Variants in FHIT observed in about 807,000 individuals in gnomAD.
The protein encoded by FHIT is bis(5'-adenosyl)-triphosphatase.
Under a neutral mutation model 17.9 loss-of-function variants are expected in FHIT, and 19 were observed. The observed-to-expected ratio is 1.06, with a 90% CI of 0.74 to 1.56. The LOEUF is 1.56. Ranked by LOEUF, FHIT falls within the 40% of genes most tolerant of loss-of-function variation. The pLI is 0.00. For missense variants in FHIT, 248 were observed against 189.2 expected, an observed-to-expected ratio of 1.31 and a Z score of -1.82; for synonymous variants, 81 against 69.7, an observed-to-expected ratio of 1.16 and a Z score of -0.81.
intron 5 of FHIT, among the ~76,000 whole-genome samples, chr3:60,228,497 A>C (rs750082621): frequency 7.9e-5 from 12 of 152,194 alleles, no homozygotes; most frequent in Non-Finnish European, 1.5e-4. Flanking sequence ...TACTAAAAAG[A>C]TAAAATTTAA....
intron 4 of FHIT, among the ~76,000 whole-genome samples, chr3:60,597,233 C>G (rs2038299529): frequency 6.6e-6 from 1 of 151,902 alleles, no homozygotes; most frequent in African/African-American, 2.4e-5. Flanking sequence ...TTTTCAAAAC[C>G]CTGCCTCCCT....
At chr3:60,274,981 ATC>A (rs1707053331) in intron 5 of FHIT, among the ~76,000 whole-genome samples, 1 of 152,278 alleles carries the variant, frequency 6.6e-6, no homozygotes, top group African/African-American at 2.4e-5. Flanking sequence ...CCCCACATTT[ATC>A]TGTTTTTTAA....
At chr3:61,089,204 C>A (rs1400348990) in intron 2 of FHIT, among the ~76,000 whole-genome samples, 1 of 152,134 alleles carries the variant, frequency 6.6e-6, no homozygotes, top group Non-Finnish European at 1.5e-5. Context: ...CCATTCCCAG[C>A]TCAATATATA....
intron 4 of FHIT, among the ~76,000 whole-genome samples, chr3:60,756,414 G>GA (rs2042572788): frequency 6.6e-6 from 1 of 152,138 alleles, no homozygotes; most frequent in African/African-American, 2.4e-5. Context: ...GATGCCAAAC[G>GA]AAAAGCCTGA....
chr3:60,569,755 A>ATATATATTTTT lies in FHIT; in HGVS notation c.-17-32777_-17-32776insAAAAATATATA. Among the ~76,000 whole-genome samples, 356 of 77,308 alleles carry ATATATATTTTT rather than the reference A, an allele frequency of 4.6e-3. 4 individuals are homozygous for ATATATATTTTT. Among genetic ancestry groups the ATATATATTTTT allele is most frequent in the South Asian group, 7.5e-3 (13 of 1,742 alleles). The allele number at this position is 77,308 out of a possible 152,430, so 50.7% of individuals were successfully genotyped here. A position where few individuals can be genotyped will look rare whatever the true frequency, so the allele number is the denominator to read the frequency against. On this transcript the variant is annotated intron_variant, in intron 4 of 9. Transcript: ENST00000492590. ...TATATATATATATATATATATATAT[A>ATATATATTTTT]TTTTTTTTTTTTTTAGACAGAGTTT...
intron 5 of FHIT, among the ~76,000 whole-genome samples, chr3:60,495,827 T>C (rs2034279214): frequency 6.6e-6 from 1 of 152,090 alleles, no homozygotes; most frequent in African/African-American, 2.4e-5. Context: ...TCTTTAATCA[T>C]AGTAATCAAA....
chr3:60,779,744 C>G (rs534991109), intron 4 of FHIT, among the ~76,000 whole-genome samples: 1 of 151,972 alleles, frequency 6.6e-6, no homozygotes, highest in Non-Finnish European at 1.5e-5. Context: ...GAAGGAAAAT[C>G]GGATCTTAGG....
chr3:60,121,103 A>C (rs930773864), intron 5 of FHIT, among the ~76,000 whole-genome samples: 2 of 152,152 alleles, frequency 1.3e-5, no homozygotes, highest in Non-Finnish European at 2.9e-5. Flanking sequence ...ATCATTGATC[A>C]TGTCTTCATT....
chr3:60,484,654 T>C lies in FHIT; in HGVS notation c.103+52206A>G, dbSNP rs527894505. Among the ~76,000 whole-genome samples the C allele has an allele frequency of 3.3e-5, 5 of 152,308 alleles. No individual in the cohort carries two copies. In the East Asian group the frequency reaches 7.7e-4, roughly 23 times the overall value. On this transcript the variant is annotated intron_variant, in intron 5 of 9. Coordinates refer to ENST00000492590, the MANE Select transcript of FHIT (RefSeq NM_002012.4). Reference sequence around the variant, plus strand: ...GAAACTGGACCCCTTCCTTACACCTTATACAAAAATTAACTCAAGATGGAT... The same window carrying C: ...GAAACTGGACCCCTTCCTTACACCTCATACAAAAATTAACTCAAGATGGAT...
intron 3 of FHIT, among the ~76,000 whole-genome samples, chr3:60,829,545 T>C (rs2106808219): frequency 6.6e-6 from 1 of 152,294 alleles, no homozygotes; most frequent in South Asian, 2.1e-4. Flanking sequence ...ATTTGGAAAG[T>C]TATTAGAAGA....
intron 3 of FHIT, among the ~76,000 whole-genome samples, chr3:61,025,527 C>G (rs376234017): frequency 1.3e-5 from 2 of 152,102 alleles, no homozygotes; most frequent in Admixed American, 1.3e-4. Context: ...TCTTCCTTAT[C>G]AACAAGGCAC....
chr3:60,333,658 C>T (rs542268966), intron 5 of FHIT, among the ~76,000 whole-genome samples: 4 of 152,098 alleles, frequency 2.6e-5, no homozygotes, highest in African/African-American at 9.7e-5. Flanking sequence ...TGTATTCCTA[C>T]ATATTGAAAC....
At position 60,775,785 on chromosome 3, in the gene FHIT, C is replaced by T. The variant is rs1394198527; in HGVS notation, c.-18+46134G>A. Among the ~76,000 whole-genome samples, 6 of 152,242 alleles carry T rather than the reference C, an allele frequency of 3.9e-5. No homozygotes were observed. The South Asian group carries it at 6.2e-4, about 16-fold the overall frequency. Reference sequence around the variant, plus strand: ...CTGCCCACTGCTCCTCACTCCATGCCGGGGCTGGGACACATGGCCTAAGTG... The same window carrying T: ...CTGCCCACTGCTCCTCACTCCATGCTGGGGCTGGGACACATGGCCTAAGTG... On this transcript the variant is annotated intron_variant, in intron 4 of 9. Coordinates refer to ENST00000492590, the MANE Select transcript of FHIT (RefSeq NM_002012.4).
At chr3:61,205,414 T>G (rs966395411) in intron 1 of FHIT, among the ~76,000 whole-genome samples, 5 of 152,194 alleles carry the variant, frequency 3.3e-5, no homozygotes, top group African/African-American at 1.2e-4. Flanking sequence ...TCCACAATGG[T>G]TGAACTAGTT....
intron 8 of FHIT, among the ~76,000 whole-genome samples, chr3:59,917,356 T>C (rs1044511128): frequency 5.9e-5 from 9 of 152,236 alleles, no homozygotes; most frequent in Non-Finnish European, 8.8e-5. Flanking sequence ...AAGCATTTGA[T>C]GAATTGTCCA....
At chr3:60,804,145 G>A (rs932241711) in intron 4 of FHIT, among the ~76,000 whole-genome samples, 2 of 152,184 alleles carry the variant, frequency 1.3e-5, no homozygotes, top group African/African-American at 2.4e-5. Context: ...GCAGCAGAGA[G>A]CCTGAAAAAC....
chr3:60,364,391 C>A (rs1272667384), intron 5 of FHIT, among the ~76,000 whole-genome samples: 1 of 152,204 alleles, frequency 6.6e-6, no homozygotes. Context: ...TGGGCTTTTT[C>A]TATCATACTC....
chr3:60,812,261 CCAGTGATTCTTTTGCCT>C (rs1434336437), intron 4 of FHIT, among the ~76,000 whole-genome samples: 2 of 151,024 alleles, frequency 1.3e-5, no homozygotes, highest in African/African-American at 4.9e-5. Context: ...TTCCTGGAGT[CCAGTGATTCTTTTGCCT>C]CAGCCTCCCA....
At chr3:60,962,025 G>A (rs539950452) in intron 3 of FHIT, among the ~76,000 whole-genome samples, 1 of 152,162 alleles carries the variant, frequency 6.6e-6, no homozygotes, top group African/African-American at 2.4e-5. Flanking sequence ...TGGGCAGTAT[G>A]GCCATTTTCA....
Sources: gnomAD v4.1 joint callset for allele counts (sites outside exome capture counted in the v4.1 genomes callset) on GRCh38, gnomAD v4.1.1 for gene constraint, MANE v1.5 for transcripts, NCBI Gene and HGNC (gene_info 2026-07-23, HGNC 2026-07-21) for gene names.